Variants in ZNF407 observed in about 807,000 individuals in gnomAD.
ZNF407 encodes the protein zinc finger protein 407.
In ZNF407, 17 loss-of-function variants were observed where a neutral mutation model predicts 131.2. That is an observed-to-expected ratio of 0.13 (90% CI 0.09 to 0.19). ZNF407 has a LOEUF of 0.19. Among genes scored for constraint, ZNF407 ranks in the 10% least tolerant of loss-of-function variants. The pLI is 1.00. For missense variants in ZNF407, 2,681 were observed against 2,830.6 expected, an observed-to-expected ratio of 0.95 and a Z score of 1.20; for synonymous variants, 1,156 against 1,062.0, an observed-to-expected ratio of 1.09 and a Z score of -1.72.
At chr18:74,997,781 G>A (rs772122064) in intron 8 of ZNF407, among the ~76,000 whole-genome samples, 5 of 152,094 alleles carry the variant, frequency 3.3e-5, no homozygotes, top group Admixed American at 6.5e-5. Flanking sequence ...TTCTTCCTGC[G>A]TAGTCACTTT....
At chr18:74,727,425 G>T (rs903772829) in intron 3 of ZNF407, among the ~76,000 whole-genome samples, 4 of 152,160 alleles carry the variant, frequency 2.6e-5, no homozygotes, top group African/African-American at 9.6e-5. Flanking sequence ...TTGTTTTTTG[G>T]GTTTTGTGAA....
chr18:74,928,912 TTTAAAACTGTTTTTTTAAAAAGAATA>T (rs2145252679), intron 8 of ZNF407, among the ~76,000 whole-genome samples: 2 of 152,264 alleles, frequency 1.3e-5, no homozygotes, highest in African/African-American at 4.8e-5. Context: ...ACTCTGTAGT[TTTAAAACTGTTTTTTTAAAAAGAATA>T]TCATCCTGAA....
chr18:74,976,255 G>T (rs1465933470), intron 8 of ZNF407, among the ~76,000 whole-genome samples: 2 of 152,206 alleles, frequency 1.3e-5, no homozygotes, highest in Non-Finnish European at 2.9e-5. Flanking sequence ...CATTAGTAGA[G>T]TAGTTTACGT....
intron 4 of ZNF407, among the ~76,000 whole-genome samples, chr18:74,787,434 A>G (rs145151135): frequency 2.0e-5 from 3 of 152,326 alleles, no homozygotes; most frequent in African/African-American, 4.8e-5. Flanking sequence ...CTTCTGCTTC[A>G]TAAGTTTTGC....
intron 3 of ZNF407, among the ~76,000 whole-genome samples, chr18:74,664,354 C>G (rs1019171120): frequency 1.3e-5 from 2 of 152,114 alleles, no homozygotes; most frequent in African/African-American, 2.4e-5. Flanking sequence ...AAAACATTAG[C>G]CGTGGTGGCA....
At chr18:74,652,520 A>C in intron 3 of ZNF407, among the ~76,000 whole-genome samples, 1 of 152,032 alleles carries the variant, frequency 6.6e-6, no homozygotes, top group East Asian at 1.9e-4. Context: ...TTTTCCCCCC[A>C]TGCTGAGAAC....
chr18:74,639,093 T>C (rs1984593520), intron 2 of ZNF407, among the ~76,000 whole-genome samples: 1 of 152,186 alleles, frequency 6.6e-6, no homozygotes, highest in African/African-American at 2.4e-5. Context: ...GTCAGCATGC[T>C]GTGCTGTGAT....
At chr18:74,682,189 G>A (rs767181160) in intron 3 of ZNF407, among the ~76,000 whole-genome samples, 1 of 152,228 alleles carries the variant, frequency 6.6e-6, no homozygotes, top group East Asian at 1.9e-4. Flanking sequence ...CAACTTGTGG[G>A]TATTCTTGAC....
intron 8 of ZNF407, among the ~76,000 whole-genome samples, chr18:75,056,807 T>TTA (rs1184953428): frequency 6.6e-6 from 1 of 152,200 alleles, no homozygotes; most frequent in Non-Finnish European, 1.5e-5. Flanking sequence ...TTCTAAAAGG[T>TTA]TATATTTCAT....
rs1970110642 is a variant in ZNF407, at chr18:74,806,439, G to A, written c.4877+24937G>A. Among the ~76,000 whole-genome samples, 6 of 152,198 alleles carry A rather than the reference G, an allele frequency of 3.9e-5. No homozygotes were observed. The South Asian group carries it at 6.2e-4, about 16-fold the overall frequency. On this transcript the variant is annotated intron_variant, in intron 4 of 8. Transcript: ENST00000299687. ...GTTGTAGGAGGAAGGCGAGAGCCAG[G>A]GGTGGAGGACCTGAGTTCCAGTTGG...
chr18:74,960,965 A>G (rs573107961), intron 8 of ZNF407, among the ~76,000 whole-genome samples: 108 of 148,106 alleles, frequency 7.3e-4, no homozygotes, highest in African/African-American at 2.7e-3. Context: ...GGGATAGGAG[A>G]AAGTCCTGAG....
intron 7 of ZNF407, among the ~76,000 whole-genome samples, chr18:74,893,260 G>T (rs1599225524): frequency 6.6e-6 from 1 of 152,136 alleles, no homozygotes; most frequent in African/African-American, 2.4e-5. Context: ...GAAATCCAGT[G>T]ATAGCTACCA....
chr18:74,937,248 C>T (rs1215273893), intron 8 of ZNF407, among the ~76,000 whole-genome samples: 1 of 152,144 alleles, frequency 6.6e-6, no homozygotes, highest in East Asian at 1.9e-4. Flanking sequence ...CCATATCATA[C>T]ATGGTAACAA....
chr18:74,638,217 C>T (rs551748113), intron 2 of ZNF407, among the ~76,000 whole-genome samples: 22 of 152,278 alleles, frequency 1.4e-4, no homozygotes, highest in African/African-American at 5.1e-4. Flanking sequence ...TAGCTCAATA[C>T]GTGACAAAGG....
intron 4 of ZNF407, among the ~76,000 whole-genome samples, chr18:74,852,124 TA>T (rs1440248377): frequency 6.6e-6 from 1 of 151,920 alleles, no homozygotes; most frequent in East Asian, 1.9e-4. Flanking sequence ...TTTCTGGTCC[TA>T]AAAACATTCT....
chr18:74,977,588 T>C (rs894599118), intron 8 of ZNF407, among the ~76,000 whole-genome samples: 1 of 152,242 alleles, frequency 6.6e-6, no homozygotes, highest in Non-Finnish European at 1.5e-5. Flanking sequence ...ATTAATCTTA[T>C]AAGCCTGTGA....
At chr18:74,710,489 A>T (rs965030977) in intron 3 of ZNF407, among the ~76,000 whole-genome samples, 7 of 152,186 alleles carry the variant, frequency 4.6e-5, no homozygotes, top group African/African-American at 1.4e-4. Context: ...ATAAGGTTTG[A>T]CTGAATGTAA....
rs937539376 is a variant in ZNF407, at chr18:74,850,440, C to T, written c.4878-26757C>T. 5.9e-5 allele frequency among the ~76,000 whole-genome samples: 9 copies of T among 152,216 alleles called. No homozygotes were observed. The South Asian group carries it at 1.0e-3, about 18-fold the overall frequency. ...CATACTTCTCTGTCTGTTCTATCCA[C>T]GCATTCTACTCCTTTCCCTCTTTTC... On this transcript the variant is annotated intron_variant, in intron 4 of 8. Coordinates refer to ENST00000299687, the MANE Select transcript of ZNF407 (RefSeq NM_017757.3).
intron 8 of ZNF407, among the ~76,000 whole-genome samples, chr18:75,040,894 G>A (rs904786108): frequency 5.3e-5 from 8 of 152,160 alleles, no homozygotes; most frequent in Non-Finnish European, 1.2e-4. Flanking sequence ...AGAGCTCCAC[G>A]TGTGATGCCG....
Sources: gnomAD v4.1 joint callset for allele counts (sites outside exome capture counted in the v4.1 genomes callset) on GRCh38, gnomAD v4.1.1 for gene constraint, MANE v1.5 for transcripts, NCBI Gene and HGNC (gene_info 2026-07-23, HGNC 2026-07-21) for gene names.